The following TINCR variants were observed in gnomAD, a reference collection of about 807,000 sequenced individuals.
TINCR encodes the protein TINCR ubiquitin domain containing, also known as TINCR-encoded ubiquitin-like protein.
exon 1 of TINCR, chr19:5,567,922 C>G (rs1320158647): frequency 2.6e-6 from 1 of 384,328 alleles, no homozygotes; most frequent in East Asian, 3.7e-5. Context: ...GCAGCCCCTC[C>G]ATGGCGCCCG....
chr19:5,567,239 G>GAGATAAAAGAGAGACAC, intron 1 of TINCR, among the ~76,000 whole-genome samples: 1 of 151,886 alleles, frequency 6.6e-6, no homozygotes, highest in Non-Finnish European at 1.5e-5. Context: ...GAAAGAGACA[G>GAGATAAAAGAGAGACAC]AGATAAAAGA....
downstream of TINCR, chr19:5,558,201 C>T (rs943985272): frequency 1.3e-5 from 2 of 152,334 alleles, no homozygotes; most frequent in African/African-American, 2.4e-5. Flanking sequence ...ATTCAGTACA[C>T]TCTCAAAACA....
intron 1 of TINCR, among the ~76,000 whole-genome samples, chr19:5,566,139 C>T (rs536035234): frequency 4.6e-5 from 7 of 152,134 alleles, no homozygotes; most frequent in African/African-American, 1.2e-4. Flanking sequence ...AAAGATAAGG[C>T]GGTAGGGAGA....
rs1375350222 is a variant in TINCR at position 5,567,400 on chromosome 19, A to G, written c.260+265T>C. Among the ~76,000 whole-genome samples, 3 of 152,168 alleles carry G rather than the reference A, an allele frequency of 2.0e-5. No individual in the cohort carries two copies. In the East Asian group the frequency reaches 5.8e-4, roughly 29 times the overall value. On this transcript the variant is annotated intron_variant, in intron 1 of 1. Coordinates refer to ENST00000646160, the Ensembl canonical transcript of TINCR. The stretch of plus-strand genomic sequence containing the variant: ...TGAGAGACAGAGACGAGAGAGTGAC[A>G]AAGATGAGAGTGACAGAGACAAAAG...
In TINCR at chr19:5,565,588, G is replaced by A. The variant is rs2052124295; in HGVS notation, c.260+2077C>T. Among the ~76,000 whole-genome samples, 2 of 151,984 alleles carry A rather than the reference G, an allele frequency of 1.3e-5. No homozygotes were observed. Among genetic ancestry groups the A allele is most frequent in the Non-Finnish European group, 2.9e-5 (2 of 67,998 alleles). On this transcript the variant is annotated intron_variant, in intron 1 of 1. Transcript: ENST00000646160. The surrounding 1 kb of genome is among the most constrained non-coding windows in gnomAD (Gnocchi z 4.0). ...AGCCCCCAGACCTCATAGAAGGTAC[G>A]CTGCCGAGAACACCCTCTCCTAGCC...
Position 5,565,702 on chromosome 19 carries a change from T to G in TINCR, c.260+1963A>C, listed in dbSNP as rs2052124970. On this transcript the variant is annotated intron_variant, in intron 1 of 1. Transcript: ENST00000646160. The surrounding 1 kb of genome is among the most constrained non-coding windows in gnomAD (Gnocchi z 4.0). ...CTCAAGAGGGCCTGGGGAGGGGGCC[T>G]CTCCTGCCCCCATTGCAGCCCCAGA... is the stretch of plus-strand genomic sequence containing the variant. Among the ~76,000 whole-genome samples the G allele has an allele frequency of 6.6e-6, 1 of 152,040 alleles. No homozygotes were observed. The highest frequency in any genetic ancestry group is 6.6e-5 in the Admixed American group (1 of 15,260).
In TINCR at chr19:5,563,094, A is replaced by AG. The variant is rs919784509; in HGVS notation, c.261-146dup. 6.5e-6 allele frequency: 1 copy of AG among 152,772 alleles called. No homozygotes were observed. Among genetic ancestry groups the AG allele is most frequent in the African/African-American group, 2.4e-5 (1 of 41,350 alleles). 9.5% of individuals were successfully genotyped at this position (152,772 alleles called of 1,614,324 possible). ...GAGGAGGCCTGTGTGGCTGGAGCAG[A>AG]GTGAGGAAGGGGAAGAGAGGGAGGA... On this transcript the variant is annotated intron_variant, in intron 1 of 1. Transcript: ENST00000646160. The surrounding 1 kb of genome is among the most constrained non-coding windows in gnomAD (Gnocchi z 4.7).
intron 1 of TINCR, 128 bp downstream of exon 1, chr19:5,567,537 G>A: frequency 2.7e-6 from 1 of 367,790 alleles, no homozygotes; most frequent in Admixed American, 4.6e-5. Flanking sequence ...GAGAGGCCGG[G>A]CGGGCAGCGC....
Position 5,565,102 on chromosome 19 carries a change from G to A in TINCR, c.261-2153C>T, listed in dbSNP as rs1021974540. The stretch of plus-strand genomic sequence containing the variant: ...AAGGCCCAAGTCCTCCCTGCAGTCC[G>A]CAAGGCCCTGCATGAACTGCCCTGG... On this transcript the variant is annotated intron_variant, in intron 1 of 1. Transcript: ENST00000646160. The surrounding 1 kb of genome is among the most constrained non-coding windows in gnomAD (Gnocchi z 4.0). Among the ~76,000 whole-genome samples the A allele has an allele frequency of 7.2e-5, 11 of 151,868 alleles. No individual in the cohort carries two copies. Among genetic ancestry groups the A allele is most frequent in the Non-Finnish European group, 1.2e-4 (8 of 67,920 alleles).
At chr19:5,558,930 A>AG (rs2052085370), downstream of TINCR, 1 of 152,312 alleles carries the variant, frequency 6.6e-6, no homozygotes, top group African/African-American at 2.4e-5. Context: ...GAGGAAAGGA[A>AG]GGGGGCGAAG....
intron 1 of TINCR, 84 bp downstream of exon 1, chr19:5,567,581 C>G (rs2052137761): frequency 5.3e-6 from 2 of 375,822 alleles, no homozygotes; most frequent in African/African-American, 4.2e-5. Flanking sequence ...CGGGAGGCCG[C>G]CTTGGGCGCC....
chr19:5,567,840 G>A, exon 1 of TINCR: 1 of 393,964 alleles, frequency 2.5e-6, no homozygotes, highest in Non-Finnish European at 4.5e-6. Flanking sequence ...CGCACGGTCA[G>A]CGGTAGCAGC....
chr19:5,564,284 T>C (rs2052116540), intron 1 of TINCR, among the ~76,000 whole-genome samples: 1 of 152,200 alleles, frequency 6.6e-6, no homozygotes, highest in Non-Finnish European at 1.5e-5. Flanking sequence ...ATTTCTCACA[T>C]GGGGAAGCTG....
chr19:5,562,616 G>A (rs1303042275), downstream of TINCR: 2 of 152,176 alleles, frequency 1.3e-5, no homozygotes, highest in Admixed American at 6.6e-5. The surrounding 1 kb of genome is among the most constrained non-coding windows in gnomAD (Gnocchi z 4.4). Context: ...AAGTGATGGG[G>A]AAAGAGAGAA....
chr19:5,562,352 C>G (rs2052106028), downstream of TINCR: 1 of 152,756 alleles, frequency 6.5e-6, no homozygotes, highest in South Asian at 2.1e-4. The surrounding 1 kb of genome is among the most constrained non-coding windows in gnomAD (Gnocchi z 4.4). Context: ...CCCAGAAATT[C>G]CCTCCCCTGC....
At chr19:5,567,630 C>T in intron 1 of TINCR, 35 bp downstream of exon 1, 1 of 330,374 alleles carries the variant, frequency 3.0e-6, no homozygotes, top group Non-Finnish European at 5.5e-6. Flanking sequence ...CCGGCCGCCG[C>T]CCCCGCCCCA....
rs2052121187 is a variant in TINCR, at chr19:5,565,051, C to T, written c.261-2102G>A. Among the ~76,000 whole-genome samples, 3 of 152,190 alleles carry T rather than the reference C, an allele frequency of 2.0e-5. No homozygotes were observed. In the South Asian group the frequency reaches 6.2e-4, roughly 31 times the overall value. On this transcript the variant is annotated intron_variant, in intron 1 of 1. Coordinates refer to ENST00000646160, the Ensembl canonical transcript of TINCR. The surrounding 1 kb of genome is among the most constrained non-coding windows in gnomAD (Gnocchi z 4.0). ...CCGTCCCTCCTCTGCCCACAGCCCT[C>T]TATGGCTCCCACCTCCCTCGGAGTC...
intron 1 of TINCR, among the ~76,000 whole-genome samples, chr19:5,566,495 G>C (rs933495148): frequency 6.6e-6 from 1 of 150,734 alleles, no homozygotes; most frequent in Non-Finnish European, 1.5e-5. Context: ...CACAGAGAGA[G>C]ACAGAGACAA....
intron 1 of TINCR, among the ~76,000 whole-genome samples, chr19:5,567,452 C>T (rs547603563): frequency 3.3e-5 from 5 of 152,200 alleles, no homozygotes; most frequent in African/African-American, 4.8e-5. Flanking sequence ...ACAGCAGAGA[C>T]AGAAACAGGC....
Sources: gnomAD v4.1 joint callset for allele counts (sites outside exome capture counted in the v4.1 genomes callset) on GRCh38, gnomAD v4.1.1 for gene constraint, Gnocchi (gnomAD v3.1) non-coding constraint, MANE v1.5 for transcripts, NCBI Gene and HGNC (gene_info 2026-07-23, HGNC 2026-07-21) for gene names.